The following CNTN1 variants were observed in gnomAD, a reference collection of about 807,000 sequenced individuals.
CNTN1 encodes the protein contactin 1, also known as contactin-1.
Under a neutral mutation model 126.4 loss-of-function variants are expected in CNTN1, and 38 were observed. The ratio of observed to expected loss-of-function variants is 0.30; its 90% CI spans 0.23 to 0.39. The LOEUF (loss-of-function observed/expected upper bound fraction) is 0.39. Among genes scored for constraint, CNTN1 ranks in the 10% least tolerant of loss-of-function variants. The pLI is 1.00. For synonymous variants in CNTN1, 413 were observed against 422.6 expected (o/e 0.98, Z 0.28); for missense variants, 1,009 against 1,248.4 (o/e 0.81, Z 2.89).
chr12:41,036,724 C>G (rs1949275406), intron 23 of CNTN1, among the ~76,000 whole-genome samples: 1 of 152,064 alleles, frequency 6.6e-6, no homozygotes, highest in Non-Finnish European at 1.5e-5. Context: ...TTATGATAAC[C>G]TCATAATGGA....
At chr12:40,780,943 G>T (rs1002767807) in intron 1 of CNTN1, among the ~76,000 whole-genome samples, 5 of 151,044 alleles carry the variant, frequency 3.3e-5, no homozygotes, top group Non-Finnish European at 7.4e-5. Context: ...ATTTCTAAGG[G>T]TGATATGACT....
chr12:41,022,743 C>T (rs1278164252), intron 20 of CNTN1, among the ~76,000 whole-genome samples: 9 of 152,092 alleles, frequency 5.9e-5, no homozygotes, highest in Non-Finnish European at 1.0e-4. Context: ...CTATTATTAT[C>T]CCTATTTTAG....
At chr12:40,700,509 G>A (rs752585660) in intron 1 of CNTN1, among the ~76,000 whole-genome samples, 3 of 151,966 alleles carry the variant, frequency 2.0e-5, no homozygotes, top group Non-Finnish European at 2.9e-5. Context: ...CTGGGTGACA[G>A]GGTGAGACTC....
At chr12:40,737,115 C>T (rs994479785) in intron 1 of CNTN1, among the ~76,000 whole-genome samples, 40 of 151,658 alleles carry the variant, frequency 2.6e-4, no homozygotes, top group African/African-American at 9.7e-4. Context: ...CAGTATAAAT[C>T]CAGATTGATT....
intron 1 of CNTN1, chr12:40,896,047 T>G (rs1279787427): frequency 6.6e-6 from 1 of 152,210 alleles, no homozygotes; most frequent in Non-Finnish European, 1.5e-5. Flanking sequence ...ATTACAGGCG[T>G]GAGCCACCGT....
At chr12:40,944,275 T>C (rs1318225927) in intron 14 of CNTN1, 105 bp downstream of exon 14, 2 of 1,130,976 alleles carry the variant, frequency 1.8e-6, no homozygotes, top group East Asian at 5.1e-5. Flanking sequence ...TTGTTTTTCA[T>C]GAGACCAAAA....
At chr12:40,966,846 T>C (rs929928995) in intron 15 of CNTN1, among the ~76,000 whole-genome samples, 5 of 152,144 alleles carry the variant, frequency 3.3e-5, no homozygotes, top group Admixed American at 6.6e-5. Context: ...GATAAGAAGA[T>C]ACTATGTTAT....
intron 23 of CNTN1, among the ~76,000 whole-genome samples, chr12:41,037,844 A>G (rs955284164): frequency 3.9e-5 from 6 of 152,074 alleles, no homozygotes; most frequent in Non-Finnish European, 7.4e-5. Context: ...GTACAAAGGC[A>G]TTGATGGTAT....
At chr12:40,718,289 C>T (rs1028034771) in intron 1 of CNTN1, among the ~76,000 whole-genome samples, 1 of 152,182 alleles carries the variant, frequency 6.6e-6, no homozygotes, top group Non-Finnish European at 1.5e-5. Flanking sequence ...CTGCCTCAGC[C>T]TCCTGAGTAG....
chr12:40,804,537 G>T (rs1940772760), intron 1 of CNTN1, among the ~76,000 whole-genome samples: 1 of 152,014 alleles, frequency 6.6e-6, no homozygotes. Flanking sequence ...CTGAGGGATT[G>T]CAGTCACATG....
At chr12:40,865,334 A>C (rs1408131814) in intron 1 of CNTN1, among the ~76,000 whole-genome samples, 1 of 152,088 alleles carries the variant, frequency 6.6e-6, no homozygotes, top group Non-Finnish European at 1.5e-5. Context: ...TTTGATGCCC[A>C]AAAGTTTTCA....
chr12:40,911,327 G>A (rs1293765495), intron 3 of CNTN1, among the ~76,000 whole-genome samples: 2 of 152,024 alleles, frequency 1.3e-5, no homozygotes, highest in African/African-American at 4.8e-5. Context: ...TGATCCGCCC[G>A]CCTTAGCCTC....
intron 16 of CNTN1, among the ~76,000 whole-genome samples, chr12:40,985,263 G>T (rs993252838): frequency 2.6e-5 from 4 of 151,740 alleles, no homozygotes; most frequent in African/African-American, 4.8e-5. Context: ...TATTCTATTT[G>T]CTGAAAAGTG....
At chr12:40,994,449 T>C (rs1241389843) in intron 17 of CNTN1, among the ~76,000 whole-genome samples, 1 of 152,136 alleles carries the variant, frequency 6.6e-6, no homozygotes, top group East Asian at 1.9e-4. Context: ...AGTGAATGCT[T>C]GTTAAATCAA....
chr12:41,053,468 T>TATATATATATATATA (rs60201950), intron 23 of CNTN1, among the ~76,000 whole-genome samples: 215 of 130,726 alleles, frequency 1.6e-3, no homozygotes, highest in African/African-American at 2.3e-3. Flanking sequence ...TATATATATA[T>TATATATATATATATA]TTGCCAATAA....
chr12:40,927,470 G>T (rs1025368014), intron 6 of CNTN1, among the ~76,000 whole-genome samples: 5 of 151,892 alleles, frequency 3.3e-5, no homozygotes, highest in African/African-American at 1.2e-4. Flanking sequence ...GAGAACATCA[G>T]TTCTGCCTCC....
rs1941882387 is a variant in CNTN1, at chr12:40,710,354, C to A, written c.-77+17762C>A. Among the ~76,000 whole-genome samples, 3 of 152,154 alleles carry A rather than the reference C, an allele frequency of 2.0e-5. No homozygotes were observed. In the South Asian group the frequency reaches 6.2e-4, roughly 31 times the overall value. ...AATTAAATCTTACGTAGGTGCAGTT[C>A]ATGGCACCCCAAAACAATTACAATA... On this transcript the variant is annotated intron_variant, in intron 1 of 23. Transcript: ENST00000551295.
At chr12:41,021,255 T>C (rs1192471187) in intron 20 of CNTN1, among the ~76,000 whole-genome samples, 5 of 152,150 alleles carry the variant, frequency 3.3e-5, no homozygotes, top group African/African-American at 1.2e-4. Flanking sequence ...TCAAGTTGTC[T>C]GATTCAAAGT....
rs1028118900 is a variant in CNTN1, at chr12:40,855,251, A to G, written c.-76-53106A>G. ...CATATACTTGTGAATTGACATAAAC[A>G]TTCATCATAAGTTTAAACCGTTGCA... On this transcript the variant is annotated intron_variant, in intron 1 of 23. Coordinates refer to ENST00000551295, the MANE Select transcript of CNTN1 (RefSeq NM_001843.4). Among the ~76,000 whole-genome samples, 4 of 152,150 alleles carry G rather than the reference A, an allele frequency of 2.6e-5. No individual in the cohort carries two copies. In the East Asian group the frequency reaches 5.8e-4, roughly 22 times the overall value.
Sources: allele counts gnomAD v4.1 joint callset (sites outside exome capture counted in the v4.1 genomes callset), GRCh38; gene constraint gnomAD v4.1.1; transcripts MANE v1.5; gene names NCBI Gene and HGNC (gene_info 2026-07-23, HGNC 2026-07-21).